The following AKAP7 variants were observed in gnomAD, a reference collection of about 807,000 sequenced individuals.
AKAP7 encodes A-kinase anchoring protein 7.
A neutral mutation model predicts 39.5 loss-of-function variants in AKAP7; 39 were observed. That is an observed-to-expected ratio of 0.99 (90% confidence interval 0.76 to 1.29). AKAP7 has a LOEUF of 1.29. Among genes scored for constraint, AKAP7 ranks in the 50% most tolerant of loss-of-function variants. AKAP7 has a pLI of 0.00. For missense variants in AKAP7, 414 were observed against 407.7 expected, an observed-to-expected ratio of 1.02 and a Z score of -0.13; for synonymous variants, 140 against 139.1, an observed-to-expected ratio of 1.01 and a Z score of -0.05.
intron 6 of AKAP7, among the ~76,000 whole-genome samples, chr6:131,212,201 T>TAAA (rs776717325): frequency 6.6e-5 from 10 of 152,240 alleles, no homozygotes; most frequent in Non-Finnish European, 8.8e-5. Context: ...TATTTTAAAG[T>TAAA]AAACAAGGGG....
upstream of AKAP7, among the ~76,000 whole-genome samples, chr6:131,131,472 T>C (rs1452909686): frequency 8.8e-6 from 1 of 114,006 alleles, no homozygotes; most frequent in Non-Finnish European, 2.2e-5. Context: ...TCTTTCTTTT[T>C]TTTTTTTTTT....
rs976075218 is a variant in AKAP7, at chr6:131,279,556, C to T, written c.851-1974C>T. ...TGTTGGGATTACAGGCGTGAGCCAC[C>T]GCGCCTGGCCAAAATTAGCTTTTTG... On this transcript the variant is annotated intron_variant, in intron 7 of 7. Transcript: ENST00000431975. 3.5e-4 allele frequency among the ~76,000 whole-genome samples: 54 copies of T among 152,270 alleles called. 1 individual carries two copies. Among genetic ancestry groups the T allele is most frequent in the East Asian group, 7.7e-4 (4 of 5,172 alleles).
Position 131,281,825 on chromosome 6 carries a change from C to G in AKAP7, c.*99C>G. On this transcript the variant is annotated 3_prime_UTR_variant, in exon 8 of 8. Transcript: ENST00000431975. The surrounding 1 kb of genome is among the most constrained non-coding windows in gnomAD (Gnocchi z 4.0). ...GCAGCGTGCTGTTTAAGTTAAGTTTCTCTGGTGCAATCTGTGAAGATTGCC... is the reference window on the plus strand; with the variant it reads ...GCAGCGTGCTGTTTAAGTTAAGTTTGTCTGGTGCAATCTGTGAAGATTGCC... 7.4e-7 allele frequency: 1 copy of G among 1,350,964 alleles called. No individual in the cohort carries two copies. Among genetic ancestry groups the G allele is most frequent in the Non-Finnish European group, 9.6e-7 (1 of 1,045,870 alleles). The allele number at this position is 1,350,964 out of a possible 1,614,324, so 83.7% of individuals were successfully genotyped here.
At chr6:131,256,212 T>G (rs1812835211) in intron 7 of AKAP7, among the ~76,000 whole-genome samples, 1 of 152,182 alleles carries the variant, frequency 6.6e-6, no homozygotes, top group South Asian at 2.1e-4. Flanking sequence ...GTGGGTAATA[T>G]TGTGGTAGCA....
At chr6:131,249,555 G>T (rs1301274757) in intron 7 of AKAP7, among the ~76,000 whole-genome samples, 1 of 151,962 alleles carries the variant, frequency 6.6e-6, no homozygotes, top group Admixed American at 6.6e-5. Context: ...AAAGAATCAG[G>T]GTGGAATTTC....
At chr6:131,173,238 T>A (rs2128247830) in intron 5 of AKAP7, among the ~76,000 whole-genome samples, 1 of 152,076 alleles carries the variant, frequency 6.6e-6, no homozygotes, top group South Asian at 2.1e-4. Context: ...AAATTCTTTT[T>A]AATTTTAATA....
chr6:131,139,289 T>C (rs1447577971), intron 1 of AKAP7, among the ~76,000 whole-genome samples: 1 of 152,216 alleles, frequency 6.6e-6, no homozygotes, highest in Non-Finnish European at 1.5e-5. Flanking sequence ...TAATAATTCC[T>C]ATCTCAAAAA....
Position 131,174,685 on chromosome 6 carries a change from G to A in AKAP7, c.589+5412G>A, listed in dbSNP as rs114381207. On this transcript the variant is annotated intron_variant, in intron 5 of 7. Coordinates refer to ENST00000431975, the MANE Select transcript of AKAP7 (RefSeq NM_016377.4). ...GTTTTTGTACCATATTTTATAAGCT[G>A]TTTGTTCAAATGATATATTCTAACT... 8.3e-3 allele frequency among the ~76,000 whole-genome samples: 1,264 copies of A among 152,312 alleles called. 11 individuals are homozygous for A. The highest frequency in any genetic ancestry group is 0.027 in the African/African-American group (1,112 of 41,574).
At chr6:131,168,643 CTG>C (rs1254989712) in intron 4 of AKAP7, among the ~76,000 whole-genome samples, 1 of 152,082 alleles carries the variant, frequency 6.6e-6, no homozygotes, top group African/African-American at 2.4e-5. Flanking sequence ...ATTATAGAGA[CTG>C]TTATATTTTA....
upstream of AKAP7, among the ~76,000 whole-genome samples, chr6:131,130,641 G>A (rs1270617516): frequency 6.6e-6 from 1 of 152,168 alleles, no homozygotes; most frequent in East Asian, 1.9e-4. Context: ...TGAAGACTGG[G>A]AGAATCCACT....
intron 6 of AKAP7, among the ~76,000 whole-genome samples, chr6:131,218,520 A>AT (rs1585113614): frequency 6.6e-6 from 1 of 152,220 alleles, no homozygotes; most frequent in East Asian, 1.9e-4. Context: ...GCTTTTATAA[A>AT]TTTTTTCCCA....
intron 3 of AKAP7, among the ~76,000 whole-genome samples, chr6:131,162,082 G>T (rs1803025460): frequency 6.6e-6 from 1 of 152,158 alleles, no homozygotes; most frequent in Non-Finnish European, 1.5e-5. Flanking sequence ...CAGCATCTCT[G>T]CATCACCCCC....
At chr6:131,187,002 C>T (rs2128265583) in intron 5 of AKAP7, among the ~76,000 whole-genome samples, 1 of 152,298 alleles carries the variant, frequency 6.6e-6, no homozygotes, top group Admixed American at 6.5e-5. Flanking sequence ...GCATATATTA[C>T]ACCGTCTTGA....
At chr6:131,228,066 T>C (rs1562228901) in intron 7 of AKAP7, among the ~76,000 whole-genome samples, 1 of 152,228 alleles carries the variant, frequency 6.6e-6, no homozygotes, top group Non-Finnish European at 1.5e-5. Context: ...TCTTCAGTGC[T>C]CCTTTACCCT....
At chr6:131,267,573 A>C (rs6922252) in intron 7 of AKAP7, among the ~76,000 whole-genome samples, 85,277 of 151,900 alleles carry the variant, frequency 0.56, 25,106 homozygotes, top group African/African-American at 0.74. Context: ...CCCTTGCATA[A>C]GTTTCCAGGC....
At chr6:131,182,889 C>G (rs1189572039) in intron 5 of AKAP7, among the ~76,000 whole-genome samples, 1 of 151,638 alleles carries the variant, frequency 6.6e-6, no homozygotes, top group Non-Finnish European at 1.5e-5. Flanking sequence ...TTGTTGTAAA[C>G]TTGAATTTAT....
rs117291508 is a variant in AKAP7 at position 131,280,151 on chromosome 6, A to G, written c.851-1379A>G. ...TTTAGTTATTACTGAGTTGACATTT[A>G]CTCAATTCTAAACATATTTTGCACT... On this transcript the variant is annotated intron_variant, in intron 7 of 7. Transcript: ENST00000431975. Among the ~76,000 whole-genome samples, 512 of 152,258 alleles carry G rather than the reference A, an allele frequency of 3.4e-3. 2 individuals carry two copies. Among genetic ancestry groups the G allele is most frequent in the African/African-American group, 8.4e-3 (349 of 41,548 alleles).
chr6:131,182,933 TA>T (rs1167711314), intron 5 of AKAP7, among the ~76,000 whole-genome samples: 5 of 149,026 alleles, frequency 3.4e-5, no homozygotes, highest in Non-Finnish European at 7.6e-5. Flanking sequence ...TAACCAATTT[TA>T]TATTCGCTTT....
chr6:131,242,041 G>A, intron 7 of AKAP7: 1 of 978,932 alleles, frequency 1.0e-6, no homozygotes, highest in Non-Finnish European at 1.2e-6. Flanking sequence ...TAACCCACAG[G>A]GATCCTTTGA....
Sources: gnomAD v4.1 joint callset for allele counts (sites outside exome capture counted in the v4.1 genomes callset) on GRCh38, gnomAD v4.1.1 for gene constraint, Gnocchi (gnomAD v3.1) non-coding constraint, MANE v1.5 for transcripts, NCBI Gene and HGNC (gene_info 2026-07-23, HGNC 2026-07-21) for gene names.